The following ZDHHC19 variants were observed in gnomAD, a reference collection of about 807,000 sequenced individuals.
ZDHHC19 encodes the protein zDHHC palmitoyltransferase 19.
Under a neutral mutation model 33.9 loss-of-function variants are expected in ZDHHC19, and 30 were observed. That is an observed-to-expected ratio of 0.88 (90% CI 0.66 to 1.20). The LOEUF (loss-of-function observed/expected upper bound fraction) is 1.20, where lower values mean the gene tolerates loss of function less well. ZDHHC19 is among the 50% of genes most tolerant of loss of function. ZDHHC19 has a pLI of 0.00. For synonymous variants in ZDHHC19, 178 were observed against 167.6 expected (o/e 1.06, Z -0.48); for missense variants, 364 against 401.1 (o/e 0.91, Z 0.79).
chr3:196,208,697 G>C lies in ZDHHC19; in HGVS notation c.409-137C>G, dbSNP rs552491065. On this transcript the variant is annotated intron_variant, in intron 3 of 7. Transcript: ENST00000296326. The stretch of plus-strand genomic sequence containing the variant: ...ATGCACTGGCTTCCACCCCCAGGGA[G>C]AAACTGAGCCACAGAATGCCTCATG... 336 of 972,578 alleles carry C rather than the reference G, an allele frequency of 3.5e-4. 3 individuals carry two copies. The East Asian group carries it at 4.9e-3, about 14-fold the overall frequency. The allele number at this position is 972,578 out of a possible 1,614,324, so 60.2% of individuals were successfully genotyped here.
At position 196,207,505 on chromosome 3, in the gene ZDHHC19, T is replaced by C; in HGVS notation, c.582-2A>G. 6.4e-7 allele frequency: 1 copy of C among 1,553,328 alleles called. No homozygotes were observed. The highest frequency in any genetic ancestry group is 1.4e-5 in the African/African-American group (1 of 72,916). On this transcript the variant is annotated splice_acceptor_variant, in intron 4 of 7. Coordinates refer to ENST00000296326, the MANE Select transcript of ZDHHC19 (RefSeq NM_001039617.2). LOFTEE classifies it high-confidence loss of function. ...GCGGCGGACACGGCCACCACGATGC[T>C]GCGCGGGTTAAGGAACCGGGCTGCG...
chr3:196,197,621 G>A lies in ZDHHC19; in HGVS notation c.*124C>T. On this transcript the variant is annotated 3_prime_UTR_variant, in exon 8 of 8. Coordinates refer to ENST00000296326, the MANE Select transcript of ZDHHC19 (RefSeq NM_001039617.2). The surrounding 1 kb of genome is among the most constrained non-coding windows in gnomAD (Gnocchi z 4.4). Reference sequence around the variant, plus strand: ...GGAGGCGGGTTCGGAGGTGAGCTCAGGTGCTGGTGCTGTGGGCATCTCCGG... The same window carrying A: ...GGAGGCGGGTTCGGAGGTGAGCTCAAGTGCTGGTGCTGTGGGCATCTCCGG... 6.5e-6 allele frequency: 1 copy of A among 152,768 alleles called. No individual in the cohort carries two copies. The highest frequency in any genetic ancestry group is 2.4e-5 in the African/African-American group (1 of 41,458). 9.5% of individuals were successfully genotyped at this position (152,768 alleles called of 1,614,324 possible).
chr3:196,206,964 C>G (rs1038261172), intron 5 of ZDHHC19, among the ~76,000 whole-genome samples: 1 of 152,116 alleles, frequency 6.6e-6, no homozygotes, highest in Non-Finnish European at 1.5e-5. Context: ...TCCTCTCCGT[C>G]TTCTGTCTCT....
intron 5 of ZDHHC19, among the ~76,000 whole-genome samples, chr3:196,206,628 C>T (rs1722750294): frequency 6.6e-6 from 1 of 151,558 alleles, no homozygotes; most frequent in African/African-American, 2.4e-5. Context: ...GCTAGAATTA[C>T]AGGCATGAGC....
At chr3:196,198,722 C>T in intron 6 of ZDHHC19, 67 bp downstream of exon 6, 1 of 1,606,068 alleles carries the variant, frequency 6.2e-7, no homozygotes. Context: ...TGGTAAGGAG[C>T]CAGGGTGAAC....
chr3:196,198,956 G>A (rs1722025393), intron 5 of ZDHHC19, 82 bp from the exon 6 acceptor site: 1 of 1,440,916 alleles, frequency 6.9e-7, no homozygotes, highest in Non-Finnish European at 9.7e-7. Flanking sequence ...TCCCTGAGCT[G>A]GTCAGCTAGC....
intron 3 of ZDHHC19, chr3:196,208,938 G>A: frequency 3.5e-6 from 1 of 286,146 alleles, no homozygotes. Flanking sequence ...TCCTGCACTT[G>A]TAAACCTATG....
rs758279895 is a variant in ZDHHC19, at chr3:196,208,401, C to T, written c.568G>A (p.Asp190Asn). ...VRTTHLPFST[D>N]KAIAIVVAVS... ...GTGGGCGGATACGCGATGGCCTTGTCGGTGGAGAAGGGCAGGTGGGTTGTG... is the reference window on the plus strand; with the variant it reads ...GTGGGCGGATACGCGATGGCCTTGTTGGTGGAGAAGGGCAGGTGGGTTGTG... The change falls in exon 4 of 8, where the codon GAC (aspartate) becomes AAC (asparagine). Residue 190 changes from aspartate (D) to asparagine (N), a missense_variant. Asp to Asn is a conservative substitution (Grantham distance 23, BLOSUM62 1). Coordinates refer to ENST00000296326, the MANE Select transcript of ZDHHC19 (RefSeq NM_001039617.2). 6 of 1,613,402 alleles carry T rather than the reference C, an allele frequency of 3.7e-6. No homozygotes were observed. In the Admixed American group the frequency reaches 1.0e-4, roughly 27 times the overall value.
intron 5 of ZDHHC19, among the ~76,000 whole-genome samples, chr3:196,200,327 G>GAT (rs374551956): frequency 0.017 from 1,935 of 116,728 alleles, 43 homozygotes; most frequent in African/African-American, 0.046. Context: ...AAAATTTAGG[G>GAT]ATATATATAT....
In ZDHHC19 at chr3:196,208,395, C is replaced by CCTTGT. The variant is rs750015730; in HGVS notation, c.569_573dup (p.Ala192ThrfsTer24). The CCTTGT allele has an allele frequency of 1.6e-5, 26 of 1,613,338 alleles. No homozygotes were observed. Among genetic ancestry groups the CCTTGT allele is most frequent in the Non-Finnish European group, 2.1e-5 (25 of 1,179,694 alleles). ...CCCCACGTGGGCGGATACGCGATGGCCTTGTCGGTGGAGAAGGGCAGGTGG... is the reference window on the plus strand; with the variant it reads ...CCCCACGTGGGCGGATACGCGATGGCCTTGTCTTGTCGGTGGAGAAGGGCAGGTGG... On this transcript the variant is annotated frameshift_variant, in exon 4 of 8. Transcript: ENST00000296326. LOFTEE classifies it high-confidence loss of function.
In ZDHHC19 at chr3:196,198,465, G is replaced by A; in HGVS notation, c.774-14C>T. ...TCAGCCATGTACCTGGGGAGCAGCA[G>A]GCCAGATGCAGGGGCCACCGTCCTC... On this transcript the variant is annotated splice_polypyrimidine_tract_variant and intron_variant, in intron 6 of 7. Transcript: ENST00000296326. 6.3e-7 allele frequency: 1 copy of A among 1,589,724 alleles called. No homozygotes were observed. The highest frequency in any genetic ancestry group is 8.6e-7 in the Non-Finnish European group (1 of 1,168,128).
chr3:196,198,796 C>T lies in ZDHHC19; in HGVS notation c.766G>A (p.Gly256Arg), dbSNP rs952374257. 4.3e-6 allele frequency: 7 copies of T among 1,614,088 alleles called. No individual in the cohort carries two copies. Among genetic ancestry groups the T allele is most frequent in the African/African-American group, 2.7e-5 (2 of 75,058 alleles). ...TCTGGCTTGCCAACTCACTTGGGTC[C>T]CAGTGGTGCACAAATTGTTAAATAC... ...NWYLTICAPL[G>R]PKYMAEAVQL... Residue 256 changes from glycine to arginine, a missense_variant, in exon 6 of 8, where the codon GGA (glycine) becomes AGA (arginine). By Grantham distance (125) the Gly-to-Arg change is moderately radical (BLOSUM62 -2). Transcript: ENST00000296326.
chr3:196,198,726 G>A, intron 6 of ZDHHC19, 63 bp downstream of exon 6: 1 of 1,608,420 alleles, frequency 6.2e-7, no homozygotes, highest in South Asian at 1.1e-5. Flanking sequence ...AAGGAGCCAG[G>A]GTGAACCCAC....
At chr3:196,211,144 C>T (rs1723271798) in intron 1 of ZDHHC19, 26 bp downstream of exon 1, 1 of 1,614,162 alleles carries the variant, frequency 6.2e-7, no homozygotes, top group African/African-American at 1.3e-5. Context: ...TTGTGGGAAA[C>T]CTAACGGCTT....
rs750796396 is a variant in ZDHHC19 at position 196,207,391 on chromosome 3, C to T, written c.687+7G>A. 1.5e-5 allele frequency: 24 copies of T among 1,552,886 alleles called. No individual in the cohort carries two copies. In the South Asian group the frequency reaches 1.7e-4, roughly 11 times the overall value. On this transcript the variant is annotated splice_region_variant and intron_variant, in intron 5 of 7. Transcript: ENST00000296326. ...GGTGCAAGCTGACCACCCGCGGCCC[C>T]GCGTACCTTGCCCTTGTAGGTGCGG...
rs1015442142 is a variant in ZDHHC19 at position 196,203,538 on chromosome 3, G to A, written c.687+3860C>T. The stretch of plus-strand genomic sequence containing the variant: ...TGCAGCCCAGGGATGGAGGAGGAAG[G>A]GAATGAGATTTGGGGCATGTGAAGA... On this transcript the variant is annotated intron_variant, in intron 5 of 7. Transcript: ENST00000296326. The surrounding 1 kb of genome is among the most constrained non-coding windows in gnomAD (Gnocchi z 4.3). Among the ~76,000 whole-genome samples the A allele has an allele frequency of 2.0e-5, 3 of 152,196 alleles. No individual in the cohort carries two copies. Among genetic ancestry groups the A allele is most frequent in the African/African-American group, 7.2e-5 (3 of 41,444 alleles).
chr3:196,211,331 G>A lies in ZDHHC19; in HGVS notation c.-16C>T, dbSNP rs778974636. ...AGAGTGTCATGGCTGGGCCTCCTTC[G>A]CCTCCAGGGGAGGTCAGAGCCACCA... On this transcript the variant is annotated 5_prime_UTR_variant, in exon 1 of 8. It introduces an in-frame stop codon into an upstream open reading frame of the 5' UTR. Coordinates refer to ENST00000296326, the MANE Select transcript of ZDHHC19 (RefSeq NM_001039617.2). 17 of 1,591,350 alleles carry A rather than the reference G, an allele frequency of 1.1e-5. No homozygotes were observed. The highest frequency in any genetic ancestry group is 5.2e-5 in the Admixed American group (3 of 57,652).
rs138294491 is a variant in ZDHHC19 at position 196,201,370 on chromosome 3, C to T, written c.688-2496G>A. Reference sequence around the variant, plus strand: ...CGTGAGCCACCGCACCGGGCCAAAACTGACCAATACATTTGTACCTGCCTC... The same window carrying T: ...CGTGAGCCACCGCACCGGGCCAAAATTGACCAATACATTTGTACCTGCCTC... On this transcript the variant is annotated intron_variant, in intron 5 of 7. Transcript: ENST00000296326. Among the ~76,000 whole-genome samples, 249 of 151,494 alleles carry T rather than the reference C, an allele frequency of 1.6e-3. 9 individuals carry two copies. Among genetic ancestry groups the T allele is most frequent in the African/African-American group, 5.9e-3 (242 of 41,146 alleles).
At chr3:196,209,088 CA>C (rs1008014288) in intron 3 of ZDHHC19, 1 of 396,450 alleles carries the variant, frequency 2.5e-6, no homozygotes, top group Non-Finnish European at 4.5e-6. Flanking sequence ...TTAGCGAGCC[CA>C]GGGGTGGGAC....
Sources: gnomAD v4.1 joint callset for allele counts (sites outside exome capture counted in the v4.1 genomes callset) on GRCh38, gnomAD v4.1.1 for gene constraint, Gnocchi (gnomAD v3.1) non-coding constraint, MANE v1.5 for transcripts, NCBI Gene and HGNC (gene_info 2026-07-23, HGNC 2026-07-21) for gene names.